The following KAZN variants were observed in gnomAD, a reference collection of about 807,000 sequenced individuals.
KAZN encodes kazrin, periplakin interacting protein.
KAZN carries 40 observed loss-of-function variants against 87.4 expected under a neutral mutation model. The observed-to-expected ratio is 0.46, with a 90% confidence interval of 0.36 to 0.60. The LOEUF (loss-of-function observed/expected upper bound fraction) is 0.60, where lower values mean the gene tolerates loss of function less well. Ranked by LOEUF, KAZN falls within the 20% of genes least tolerant of loss-of-function variation. The probability of loss-of-function intolerance (pLI) is 0.00; values close to 1 mark genes in which losing one functional copy is unlikely to be tolerated. For missense variants in KAZN, 898 were observed against 1,073.9 expected (o/e 0.84, Z 2.29); for synonymous variants, 466 against 458.3 (o/e 1.02, Z -0.22).
At chr1:15,035,884 G>C (rs886840293) in intron 3 of KAZN, among the ~76,000 whole-genome samples, 10 of 152,072 alleles carry the variant, frequency 6.6e-5, no homozygotes, top group South Asian at 2.1e-4. Context: ...CTTGTCACAG[G>C]GTGTTCAGCT....
intron 2 of KAZN, among the ~76,000 whole-genome samples, chr1:14,563,491 A>G (rs983105917): frequency 6.6e-6 from 1 of 152,198 alleles, no homozygotes; most frequent in Non-Finnish European, 1.5e-5. Context: ...TGGCTTGAAT[A>G]GTTAGCATTT....
intron 1 of KAZN, among the ~76,000 whole-genome samples, chr1:14,776,772 T>C (rs538648044): frequency 2.0e-5 from 3 of 151,784 alleles, no homozygotes; most frequent in Non-Finnish European, 4.4e-5. Flanking sequence ...ACAATCTGCT[T>C]TGTTTTGTTT....
intron 1 of KAZN, among the ~76,000 whole-genome samples, chr1:14,027,580 C>T (rs142409642): frequency 6.6e-6 from 1 of 152,180 alleles, no homozygotes; most frequent in East Asian, 1.9e-4. Flanking sequence ...ACTATAATTA[C>T]AATACTGTGT....
intron 1 of KAZN, among the ~76,000 whole-genome samples, chr1:13,949,788 G>A (rs575000906): frequency 1.4e-4 from 22 of 152,252 alleles, no homozygotes; most frequent in African/African-American, 3.4e-4. Flanking sequence ...ACCCAGACAG[G>A]CAGACCCCAA....
At chr1:14,626,308 T>C (rs1679135981) in intron 1 of KAZN, among the ~76,000 whole-genome samples, 1 of 152,206 alleles carries the variant, frequency 6.6e-6, no homozygotes, top group South Asian at 2.1e-4. Context: ...TGGATGAAAA[T>C]ATAAAGCTTC....
At chr1:14,316,380 T>C (rs1282638380) in intron 2 of KAZN, among the ~76,000 whole-genome samples, 1 of 152,056 alleles carries the variant, frequency 6.6e-6, no homozygotes, top group Non-Finnish European at 1.5e-5. Flanking sequence ...ATAATATCAT[T>C]TTAATATCTG....
chr1:15,101,038 C>T (rs1032917933), intron 10 of KAZN, among the ~76,000 whole-genome samples: 2 of 152,188 alleles, frequency 1.3e-5, no homozygotes, highest in Non-Finnish European at 2.9e-5. Context: ...TCCTGCCACA[C>T]GTGGCCCTTC....
At position 15,116,688 on chromosome 1, in the gene KAZN, G is replaced by A. The variant is rs1641854212; in HGVS notation, c.*2053G>A. ...GGACCCCAGAAACTGCCGTTTGGGA[G>A]GCAGCAACAGCAACGTGCCCAGGCA... On this transcript the variant is annotated 3_prime_UTR_variant, in exon 15 of 15. Transcript: ENST00000376030. The A allele has an allele frequency of 1.3e-5, 2 of 152,242 alleles. No individual in the cohort carries two copies. Among genetic ancestry groups the A allele is most frequent in the Non-Finnish European group, 2.9e-5 (2 of 68,050 alleles). 9.4% of individuals were successfully genotyped at this position (152,242 alleles called of 1,614,324 possible).
intron 2 of KAZN, among the ~76,000 whole-genome samples, chr1:14,418,499 G>T (rs1404782205): frequency 6.6e-6 from 1 of 152,136 alleles, no homozygotes; most frequent in Admixed American, 6.5e-5. Flanking sequence ...GTTTTCGGGT[G>T]GGAAGTGATT....
At chr1:14,140,073 G>T (rs1645203339) in intron 1 of KAZN, among the ~76,000 whole-genome samples, 1 of 151,878 alleles carries the variant, frequency 6.6e-6, no homozygotes, top group South Asian at 2.1e-4. Flanking sequence ...AATGAGTCTG[G>T]CTCTAGGAAC....
At chr1:14,330,334 A>G (rs1299745191) in intron 2 of KAZN, among the ~76,000 whole-genome samples, 1 of 152,196 alleles carries the variant, frequency 6.6e-6, no homozygotes, top group Admixed American at 6.5e-5. Flanking sequence ...CTTTCTTCAC[A>G]TTAGGATTCC....
At chr1:14,743,140 TC>T (rs1644158942) in intron 1 of KAZN, among the ~76,000 whole-genome samples, 1 of 151,768 alleles carries the variant, frequency 6.6e-6, no homozygotes, top group African/African-American at 2.4e-5. Context: ...ATCAGAGAGG[TC>T]CATAGTAGGT....
intron 1 of KAZN, among the ~76,000 whole-genome samples, chr1:14,622,369 A>C (rs1232284438): frequency 6.6e-6 from 1 of 152,186 alleles, no homozygotes; most frequent in African/African-American, 2.4e-5. Context: ...TAGTGAAATA[A>C]GGTATCTTTG....
intron 1 of KAZN, among the ~76,000 whole-genome samples, chr1:14,900,689 G>A (rs189499888): frequency 0.015 from 2,245 of 151,588 alleles, 53 homozygotes; most frequent in African/African-American, 0.052. Flanking sequence ...AGGAGGCAGA[G>A]GTTGCAGTGA....
At chr1:14,127,161 C>T (rs1644890154) in intron 1 of KAZN, among the ~76,000 whole-genome samples, 1 of 152,196 alleles carries the variant, frequency 6.6e-6, no homozygotes, top group Non-Finnish European at 1.5e-5. Context: ...GACTTCTTTC[C>T]AACTGAGAAG....
chr1:14,588,208 C>A (rs1181309726), intron 2 of KAZN, among the ~76,000 whole-genome samples: 1 of 152,168 alleles, frequency 6.6e-6, no homozygotes, highest in Non-Finnish European at 1.5e-5. Context: ...TTTCATAGCA[C>A]CCCTTCCCAC....
intron 2 of KAZN, among the ~76,000 whole-genome samples, chr1:14,534,115 C>T (rs930922699): frequency 6.6e-6 from 1 of 152,150 alleles, no homozygotes; most frequent in African/African-American, 2.4e-5. Flanking sequence ...GAGGTGCATC[C>T]AGGCAAGAAT....
At chr1:14,235,635 G>A (rs1648351176) in intron 2 of KAZN, among the ~76,000 whole-genome samples, 1 of 152,116 alleles carries the variant, frequency 6.6e-6, no homozygotes, top group South Asian at 2.1e-4. Context: ...TAAAGCAGTT[G>A]TAAAAAATAG....
intron 1 of KAZN, among the ~76,000 whole-genome samples, chr1:14,871,832 C>T (rs545813281): frequency 6.6e-6 from 1 of 151,848 alleles, no homozygotes; most frequent in South Asian, 2.1e-4. Context: ...GTCAGCCCCA[C>T]GTGAGTCTCA....
Sources: gnomAD v4.1 joint callset for allele counts (sites outside exome capture counted in the v4.1 genomes callset) on GRCh38, gnomAD v4.1.1 for gene constraint, MANE v1.5 for transcripts, NCBI Gene and HGNC (gene_info 2026-07-23, HGNC 2026-07-21) for gene names.